Variants in VASH2 observed in about 807,000 individuals in gnomAD.
The protein encoded by VASH2 is tubulinyl-Tyr carboxypeptidase 2.
Under a neutral mutation model 37.2 loss-of-function variants are expected in VASH2, and 28 were observed. That is an observed-to-expected ratio of 0.75 (90% CI 0.56 to 1.03). The LOEUF (loss-of-function observed/expected upper bound fraction) is 1.03, where lower values mean the gene tolerates loss of function less well. Ranked by LOEUF, VASH2 falls within the 50% of genes least tolerant of loss-of-function variation. The pLI, the probability that VASH2 is intolerant of heterozygous loss-of-function variation, is 0.00. For missense variants in VASH2, 419 were observed against 459.1 expected (o/e 0.91, Z 0.80); for synonymous variants, 188 against 174.7 (o/e 1.08, Z -0.60).
chr1:212,985,550 G>A (rs1558153843), intron 7 of VASH2, among the ~76,000 whole-genome samples: 1 of 151,778 alleles, frequency 6.6e-6, no homozygotes, highest in Non-Finnish European at 1.5e-5. Context: ...CCAAGTAGCT[G>A]GGACTACAGG....
At chr1:212,958,875 G>C (rs1019860686) in intron 2 of VASH2, among the ~76,000 whole-genome samples, 2 of 151,732 alleles carry the variant, frequency 1.3e-5, no homozygotes, top group Non-Finnish European at 2.9e-5. Context: ...CACCATGCTC[G>C]GCTAATTTTC....
intron 7 of VASH2, among the ~76,000 whole-genome samples, chr1:212,985,810 C>G: frequency 6.6e-6 from 1 of 152,194 alleles, no homozygotes; most frequent in East Asian, 1.9e-4. Flanking sequence ...AGGGCACATA[C>G]CAGTTGTCTT....
At chr1:212,977,417 C>T (rs1323354178) in intron 7 of VASH2, among the ~76,000 whole-genome samples, 1 of 152,074 alleles carries the variant, frequency 6.6e-6, no homozygotes, top group Non-Finnish European at 1.5e-5. Flanking sequence ...TGTCTTTGGA[C>T]ACACGGAGAA....
chr1:212,952,671 G>C (rs1450656208), intron 2 of VASH2: 1 of 152,188 alleles, frequency 6.6e-6, no homozygotes, highest in African/African-American at 2.4e-5. Context: ...AATGCAAACT[G>C]GGGAGAAATG....
intron 7 of VASH2, among the ~76,000 whole-genome samples, chr1:212,981,550 A>G (rs998848027): frequency 1.3e-5 from 2 of 152,238 alleles, no homozygotes; most frequent in Non-Finnish European, 2.9e-5. Context: ...TGCTGGGCCA[A>G]GAGCACCCCT....
chr1:212,969,748 G>A (rs1166731641), intron 5 of VASH2, among the ~76,000 whole-genome samples: 1 of 152,224 alleles, frequency 6.6e-6, no homozygotes, highest in East Asian at 1.9e-4. Flanking sequence ...TCCACTCGGG[G>A]ATAGTGAAGG....
chr1:212,982,012 T>C (rs1667353486), intron 7 of VASH2, among the ~76,000 whole-genome samples: 1 of 152,176 alleles, frequency 6.6e-6, no homozygotes, highest in Non-Finnish European at 1.5e-5. Flanking sequence ...AAAGTTGAGA[T>C]AGCAGTGGCA....
At chr1:212,966,813 C>T (rs573607655) in intron 5 of VASH2, 59 of 339,670 alleles carry the variant, frequency 1.7e-4, no homozygotes, top group South Asian at 8.5e-4. Flanking sequence ...CTGCAACTTC[C>T]GCCTCCCAGG....
At chr1:212,966,818 C>T in intron 5 of VASH2, 1 of 342,140 alleles carries the variant, frequency 2.9e-6, no homozygotes, top group African/African-American at 2.1e-5. Context: ...ACTTCCGCCT[C>T]CCAGGCTCAA....
chr1:212,987,928 T>C (rs1667530133), intron 7 of VASH2, among the ~76,000 whole-genome samples: 1 of 152,250 alleles, frequency 6.6e-6, no homozygotes, highest in African/African-American at 2.4e-5. Context: ...TGTAGTTTTA[T>C]GTTGGAAGTG....
At chr1:212,953,233 G>A (rs368457673) in intron 2 of VASH2, among the ~76,000 whole-genome samples, 79 of 126,782 alleles carry the variant, frequency 6.2e-4, no homozygotes, top group Admixed American at 2.7e-3. Flanking sequence ...GGGTGCGCGG[G>A]GGGGGGTGCA....
chr1:212,960,237 G>C (rs776938316), intron 2 of VASH2, among the ~76,000 whole-genome samples: 14 of 152,170 alleles, frequency 9.2e-5, no homozygotes, highest in Non-Finnish European at 1.8e-4. Flanking sequence ...CCTGACTTTG[G>C]TTCTTTCTCT....
chr1:212,974,107 A>C (rs774954860), intron 7 of VASH2, 37 bp downstream of exon 7: 4 of 1,579,484 alleles, frequency 2.5e-6, no homozygotes, highest in Middle Eastern at 1.7e-4. Flanking sequence ...TCAAAGCCCA[A>C]CACACACATT....
intron 5 of VASH2, among the ~76,000 whole-genome samples, chr1:212,972,078 C>T (rs928971813): frequency 6.6e-6 from 1 of 152,204 alleles, no homozygotes; most frequent in Non-Finnish European, 1.5e-5. Context: ...TACTCCCCTG[C>T]CTGCATTCAC....
intron 2 of VASH2, among the ~76,000 whole-genome samples, chr1:212,956,482 G>A (rs1193368814): frequency 6.6e-6 from 1 of 152,212 alleles, no homozygotes; most frequent in Non-Finnish European, 1.5e-5. Flanking sequence ...TGGTGAGACC[G>A]TTGAGGGGAA....
intron 7 of VASH2, among the ~76,000 whole-genome samples, chr1:212,985,103 C>T (rs937959255): frequency 9.9e-5 from 15 of 151,902 alleles, no homozygotes; most frequent in Non-Finnish European, 7.4e-5. Flanking sequence ...CTCACCGCAA[C>T]CTCCACCTCC....
In VASH2 at chr1:212,961,227, C is replaced by A. The variant is rs771662401; in HGVS notation, c.338C>A (p.Ala113Glu). The A allele has an allele frequency of 2.5e-6, 4 of 1,614,194 alleles. No homozygotes were observed. Among genetic ancestry groups the A allele is most frequent in the Admixed American group, 1.7e-5 (1 of 60,028 alleles). The change falls in exon 3 of 8, where the codon GCG (alanine) becomes GAG (glutamate). Residue 113 changes from alanine to glutamate, a missense_variant. Physicochemically the swap from Ala to Glu is moderately radical, Grantham distance 107. Around this residue, in one of 3 missense-constraint regions of VASH2, gnomAD observed 158 missense variants for 163.0 expected, o/e 0.97. Transcript: ENST00000517399. ...ATGACGATCCCAGACTGGCTCCAGG[C>A]GATCCAGAATTACATGAAGACCCTA... The part of the protein sequence containing the change: ...LSMTIPDWLQ[A>E]IQNYMKTLQY...
chr1:212,985,910 G>A (rs1304235678), intron 7 of VASH2, among the ~76,000 whole-genome samples: 1 of 152,218 alleles, frequency 6.6e-6, no homozygotes, highest in African/African-American at 2.4e-5. Context: ...TGGGTACAGG[G>A]AGGCTGGAAG....
At chr1:212,987,273 T>A (rs1246922006) in intron 7 of VASH2, among the ~76,000 whole-genome samples, 1 of 151,616 alleles carries the variant, frequency 6.6e-6, no homozygotes, top group Non-Finnish European at 1.5e-5. Context: ...TTTTTTTTTT[T>A]AATACTTAAG....
Sources: allele counts gnomAD v4.1 joint callset (sites outside exome capture counted in the v4.1 genomes callset), GRCh38; gene constraint gnomAD v4.1.1; regional missense constraint gnomAD v4.1.1; transcripts MANE v1.5; gene names NCBI Gene and HGNC (gene_info 2026-07-23, HGNC 2026-07-21).